TMEM176B: variants seen among roughly 807,000 people sequenced by gnomAD.
TMEM176B encodes LR8-like protein.
A neutral mutation model predicts 30.3 loss-of-function variants in TMEM176B; 28 were observed. The observed-to-expected ratio is 0.92, with a 90% CI of 0.68 to 1.27. TMEM176B has a LOEUF of 1.27. Among genes scored for constraint, TMEM176B ranks in the 50% most tolerant of loss-of-function variants. The pLI, the probability that TMEM176B is intolerant of heterozygous loss-of-function variation, is 0.00. For missense variants in TMEM176B, 349 were observed against 327.4 expected (o/e 1.07, Z -0.51); for synonymous variants, 123 against 130.3 (o/e 0.94, Z 0.38).
intron 1 of TMEM176B, 125 bp from the exon 2 acceptor site, chr7:150,796,699 C>T: frequency 1.1e-6 from 1 of 945,848 alleles, no homozygotes; most frequent in Non-Finnish European, 1.6e-6. Flanking sequence ...TAGCTCACGC[C>T]TGTAATCCCA....
In TMEM176B at chr7:150,796,590, CAT is replaced by C; in HGVS notation, c.-5-18_-5-17del. The C allele has an allele frequency of 1.9e-6, 3 of 1,612,804 alleles. No homozygotes were observed. Among genetic ancestry groups the C allele is most frequent in the Non-Finnish European group, 2.5e-6 (3 of 1,179,662 alleles). ...GTCATCCTGCCTGCCAGGGAGAAGA[CAT>C]ATAGCAGTGAGGTCTGGGAACTAGG... On this transcript the variant is annotated splice_polypyrimidine_tract_variant and intron_variant, in intron 1 of 6. Coordinates refer to ENST00000326442, the MANE Select transcript of TMEM176B (RefSeq NM_001101312.2).
Position 150,791,587 on chromosome 7 carries a change from T to C in TMEM176B, c.757A>G (p.Asn253Asp). The C allele has an allele frequency of 5.6e-6, 9 of 1,613,520 alleles. No homozygotes were observed. The highest frequency in any genetic ancestry group is 2.7e-5 in the African/African-American group (2 of 74,790). The change falls in exon 7 of 7, where the codon AAT becomes GAT. Residue 253 changes from asparagine (N) to aspartate (D), a missense_variant. By Grantham distance (23) the Asn-to-Asp change is conservative. Transcript: ENST00000326442. ...CTAGAGGGCGAAGGGGGCACTGAAT[T>C]CTCCCCCAGTAGCCTCTTCTCTGAT... Reference protein sequence around the residue: ...EGSEKRLLGENSVPPSPSREQ... With the variant: ...EGSEKRLLGEDSVPPSPSREQ...
rs759779128 is a variant in TMEM176B at position 150,793,070 on chromosome 7, T to C, written c.600+18A>G. Reference sequence around the variant, plus strand: ...AGAGCTGTGATGGGTCCCCGAAGACTGGACTCTTCCTGCTCACCCTCAGCA... The same window carrying C: ...AGAGCTGTGATGGGTCCCCGAAGACCGGACTCTTCCTGCTCACCCTCAGCA... On this transcript the variant is annotated intron_variant, in intron 5 of 6. Coordinates refer to ENST00000326442, the MANE Select transcript of TMEM176B (RefSeq NM_001101312.2). The C allele has an allele frequency of 2.6e-5, 42 of 1,613,248 alleles. No individual in the cohort carries two copies. Among genetic ancestry groups the C allele is most frequent in the Non-Finnish European group, 3.6e-5 (42 of 1,179,500 alleles).
upstream of TMEM176B, chr7:150,801,029 C>T: frequency 1.0e-6 from 1 of 979,486 alleles, no homozygotes. Flanking sequence ...GGGGCAGGGG[C>T]GGCGTGAACC....
At chr7:150,794,106 G>A (rs185356988) in intron 2 of TMEM176B, 35 bp from the exon 3 acceptor site, 32 of 1,566,370 alleles carry the variant, frequency 2.0e-5, no homozygotes, top group East Asian at 9.0e-5. Context: ...ACCCCTTCCC[G>A]TGAGTCCACA....
chr7:150,794,879 G>A (rs1466159827), intron 2 of TMEM176B, among the ~76,000 whole-genome samples: 4 of 147,916 alleles, frequency 2.7e-5, no homozygotes, highest in Non-Finnish European at 4.5e-5. Context: ...CCAGCATCTC[G>A]GATTTGTCAC....
upstream of TMEM176B, chr7:150,801,251 GACCCA>G: frequency 3.4e-6 from 1 of 293,066 alleles, no homozygotes; most frequent in Non-Finnish European, 6.2e-6. Context: ...GGCGCTGCTT[GACCCA>G]GACGCCAGGG....
At chr7:150,792,207 G>A (rs1275289324) in intron 5 of TMEM176B, 32 bp from the exon 6 acceptor site, 5 of 1,609,478 alleles carry the variant, frequency 3.1e-6, no homozygotes, top group Non-Finnish European at 4.2e-6. Flanking sequence ...AGATAGTCAG[G>A]TGTCAGCTAC....
chr7:150,800,480 G>A (rs894936768), upstream of TMEM176B: 1 of 152,200 alleles, frequency 6.6e-6, no homozygotes, highest in African/African-American at 2.4e-5. Flanking sequence ...GCCCGGAGGA[G>A]CGGACCGGGC....
chr7:150,793,039 G>GA, intron 5 of TMEM176B, 49 bp downstream of exon 5: 1 of 1,595,054 alleles, frequency 6.3e-7, no homozygotes, highest in Non-Finnish European at 8.6e-7. Context: ...AGCTCCCTGG[G>GA]AAAAAAGAGC....
chr7:150,801,087 G>A (rs1442977377), upstream of TMEM176B: 13 of 705,606 alleles, frequency 1.8e-5, no homozygotes, highest in South Asian at 6.4e-5. Context: ...GGCGGTGGCG[G>A]GGATGGGGGT....
At chr7:150,795,586 G>T (rs529612037) in intron 2 of TMEM176B, among the ~76,000 whole-genome samples, 1 of 152,154 alleles carries the variant, frequency 6.6e-6, no homozygotes, top group Non-Finnish European at 1.5e-5. Context: ...TCTGTAGCTT[G>T]GCCTGAAGTG....
chr7:150,794,140 C>T, intron 2 of TMEM176B, 69 bp from the exon 3 acceptor site: 1 of 1,241,722 alleles, frequency 8.1e-7, no homozygotes, highest in Non-Finnish European at 1.2e-6. Context: ...CTGGGACCAG[C>T]TGCCTGGCTC....
chr7:150,796,663 T>C, intron 1 of TMEM176B, 89 bp from the exon 2 acceptor site: 1 of 1,310,578 alleles, frequency 7.6e-7, no homozygotes, highest in Non-Finnish European at 1.1e-6. Context: ...AAATAGTGTC[T>C]TTGTCAAGAT....
In TMEM176B at chr7:150,796,380, G is replaced by C; in HGVS notation, c.190C>G (p.Gln64Glu). 6.2e-7 allele frequency: 1 copy of C among 1,614,178 alleles called. No individual in the cohort carries two copies. Among genetic ancestry groups the C allele is most frequent in the Admixed American group, 1.7e-5 (1 of 60,020 alleles). The change falls in exon 2 of 7, where the codon CAG (glutamine) becomes GAG (glutamate). Residue 64 changes from glutamine to glutamate, a missense_variant. Gln to Glu is a conservative substitution (Grantham distance 29). Transcript: ENST00000326442. ...CCCAGTCTTACCCCTAGAGCCAGCT[G>C]CTCATAACCAATCCTGGCTGTGGAA... Reference protein sequence around the residue: ...VPSTARIGYEQLALGVTQILL... With the variant: ...VPSTARIGYEELALGVTQILL...
At chr7:150,798,345 G>A (rs1167358152) in intron 1 of TMEM176B, among the ~76,000 whole-genome samples, 2 of 151,958 alleles carry the variant, frequency 1.3e-5, no homozygotes, top group Admixed American at 6.5e-5. Context: ...AGGGTGGCGC[G>A]ATCTCGGCTC....
chr7:150,792,640 C>G (rs1179790763), intron 5 of TMEM176B, among the ~76,000 whole-genome samples: 1 of 152,196 alleles, frequency 6.6e-6, no homozygotes, highest in Non-Finnish European at 1.5e-5. Context: ...TCTCAGACCT[C>G]CAGCCTCGGC....
rs1169726424 is a variant in TMEM176B at position 150,793,186 on chromosome 7, C to G, written c.502G>C (p.Asp168His). The change falls in exon 5 of 7, where the codon GAC becomes CAC. Residue 168 changes from aspartate to histidine, a missense_variant. Coordinates refer to ENST00000326442, the MANE Select transcript of TMEM176B (RefSeq NM_001101312.2). ...TACCCAGTGGTAGGGAAGACAGGGT[C>G]TGAGCGATCACACACAGTGTCGATG... The part of the protein sequence containing the change: ...LYIDTVCDRS[D>H]PVFPTTGYRW... The G allele has an allele frequency of 1.2e-6, 2 of 1,614,056 alleles. No individual in the cohort carries two copies. Among genetic ancestry groups the G allele is most frequent in the African/African-American group, 2.7e-5 (2 of 74,902 alleles).
intron 2 of TMEM176B, 43 bp downstream of exon 2, chr7:150,796,323 C>T (rs1436351640): frequency 6.3e-6 from 10 of 1,576,346 alleles, no homozygotes; most frequent in South Asian, 1.1e-5. Context: ...GACCTCATCA[C>T]CTCGTTAACG....
Sources: gnomAD v4.1 joint callset for allele counts (sites outside exome capture counted in the v4.1 genomes callset) on GRCh38, gnomAD v4.1.1 for gene constraint, MANE v1.5 for transcripts, NCBI Gene and HGNC (gene_info 2026-07-23, HGNC 2026-07-21) for gene names.